Variants in VPS35L observed in about 807,000 individuals in gnomAD.
The protein encoded by VPS35L is VPS35 endosomal protein-sorting factor-like.
In VPS35L, 83 loss-of-function variants were observed where a neutral mutation model predicts 133.0. That is an observed-to-expected ratio of 0.62 (90% confidence interval 0.52 to 0.75). The LOEUF is 0.75. VPS35L is among the 30% of genes least tolerant of loss of function. The pLI, the probability that VPS35L is intolerant of heterozygous loss-of-function variation, is 0.00. For missense variants in VPS35L, 1,083 were observed against 1,206.8 expected (o/e 0.90, Z 1.52); for synonymous variants, 423 against 449.9 (o/e 0.94, Z 0.76).
chr16:19,602,695 C>T (rs1319539317), intron 9 of VPS35L, among the ~76,000 whole-genome samples: 2 of 152,094 alleles, frequency 1.3e-5, no homozygotes, highest in African/African-American at 2.4e-5. Context: ...CTTCGCCTCC[C>T]GGATTCAAGC....
At chr16:19,660,101 G>C (rs1264981897) in intron 26 of VPS35L, among the ~76,000 whole-genome samples, 1 of 152,090 alleles carries the variant, frequency 6.6e-6, no homozygotes, top group Non-Finnish European at 1.5e-5. Flanking sequence ...CGAGACGGTG[G>C]ATCACTAGAG....
chr16:19,660,561 T>C (rs1437647507), intron 26 of VPS35L, among the ~76,000 whole-genome samples: 2 of 152,258 alleles, frequency 1.3e-5, no homozygotes, highest in East Asian at 1.9e-4. Flanking sequence ...AATGCATTAT[T>C]GAAAAAAAGC....
chr16:19,613,918 G>A (rs1407627161), intron 12 of VPS35L, among the ~76,000 whole-genome samples: 2 of 152,210 alleles, frequency 1.3e-5, no homozygotes, highest in Non-Finnish European at 2.9e-5. Context: ...GGAATCATGA[G>A]CAATACCCTT....
intron 12 of VPS35L, among the ~76,000 whole-genome samples, chr16:19,611,060 C>T (rs1219236728): frequency 1.3e-5 from 2 of 152,028 alleles, no homozygotes; most frequent in Non-Finnish European, 2.9e-5. Flanking sequence ...AGTGCAGTGG[C>T]GCCATCTCGG....
In VPS35L at chr16:19,661,940, A is replaced by G. The variant is rs574427902; in HGVS notation, c.2222-7220A>G. The stretch of plus-strand genomic sequence containing the variant: ...ACATTTCTAGGACTGAACATTTTAC[A>G]GCAAACTTGTATTGCCTTTGTATGT... On this transcript the variant is annotated intron_variant, in intron 26 of 30. Transcript: ENST00000417362. Among the ~76,000 whole-genome samples, 30 of 152,306 alleles carry G rather than the reference A, an allele frequency of 2.0e-4. 1 individual carries two copies. The East Asian group carries it at 5.6e-3, about 28-fold the overall frequency.
At chr16:19,681,880 C>CT (rs5816064) in intron 27 of VPS35L, among the ~76,000 whole-genome samples, 11,710 of 151,478 alleles carry the variant, frequency 0.077, 604 homozygotes, top group Middle Eastern at 0.15. Context: ...ACAGGGCTTC[C>CT]TTTTTTTTTA....
In VPS35L at chr16:19,636,988, G is replaced by T. The variant is rs138296562; in HGVS notation, c.1636-606G>T. Among the ~76,000 whole-genome samples the T allele has an allele frequency of 5.3e-5, 8 of 152,304 alleles. No homozygotes were observed. The East Asian group carries it at 1.5e-3, about 29-fold the overall frequency. ...CCAGTGAATAATCAAGAAACACAGG[G>T]CCACACGATGATGTAGAATAGGGAT... is the stretch of plus-strand genomic sequence containing the variant. On this transcript the variant is annotated intron_variant, in intron 19 of 30. Coordinates refer to ENST00000417362, the MANE Select transcript of VPS35L (RefSeq NM_020314.7).
chr16:19,688,474 GCCGC>G (rs1975541393), intron 28 of VPS35L, among the ~76,000 whole-genome samples: 2 of 152,184 alleles, frequency 1.3e-5, no homozygotes, highest in Non-Finnish European at 2.9e-5. Context: ...TGCACTTGTG[GCCGC>G]GTGTACACAA....
chr16:19,649,714 C>T (rs1974066391), intron 24 of VPS35L, among the ~76,000 whole-genome samples: 1 of 152,168 alleles, frequency 6.6e-6, no homozygotes, highest in Admixed American at 6.5e-5. Flanking sequence ...GGAAGGGTTC[C>T]CTAAGGCTCT....
intron 12 of VPS35L, among the ~76,000 whole-genome samples, chr16:19,613,834 C>T (rs1972803123): frequency 6.6e-6 from 1 of 152,070 alleles, no homozygotes. Flanking sequence ...AGGTTTGATT[C>T]CCCAGAGACA....
rs370569405 is a variant in VPS35L, at chr16:19,569,571, G to A, written c.265G>A (p.Ala89Thr). The A allele has an allele frequency of 1.3e-5, 20 of 1,555,614 alleles. No homozygotes were observed. Among genetic ancestry groups the A allele is most frequent in the East Asian group, 4.5e-5 (2 of 44,092 alleles). ...LSMFAATADP[A>T]ALAAAMDSSR... ...CATGTTTGCAGCCACTGCTGACCCC[G>A]CAGCCTTGGCAGCTGCCATGGTAAT... The change falls in exon 3 of 31, where the codon GCA (alanine) becomes ACA (threonine). Residue 89 changes from alanine to threonine, a missense_variant. By Grantham distance (58) the Ala-to-Thr change is moderately conservative. Transcript: ENST00000417362.
intron 7 of VPS35L, among the ~76,000 whole-genome samples, chr16:19,585,558 T>C (rs1971838815): frequency 6.6e-6 from 1 of 151,632 alleles, no homozygotes; most frequent in East Asian, 2.0e-4. Context: ...GCCACAACCA[T>C]GCCCAGTTTA....
At chr16:19,672,383 G>T (rs1974906721) in intron 27 of VPS35L, among the ~76,000 whole-genome samples, 1 of 152,178 alleles carries the variant, frequency 6.6e-6, no homozygotes, top group South Asian at 2.1e-4. Context: ...TCCTTTTTGG[G>T]GTGATGATAT....
chr16:19,679,798 A>G (rs181046557), intron 27 of VPS35L, among the ~76,000 whole-genome samples: 21 of 152,272 alleles, frequency 1.4e-4, no homozygotes, highest in African/African-American at 4.3e-4. Flanking sequence ...AGCCACCGCT[A>G]TCTAGCCCAG....
At chr16:19,655,964 A>G (rs935685942) in intron 26 of VPS35L, among the ~76,000 whole-genome samples, 5 of 152,092 alleles carry the variant, frequency 3.3e-5, no homozygotes, top group African/African-American at 9.7e-5. Flanking sequence ...TAATCTAGAA[A>G]AGGTACGTGT....
chr16:19,597,594 C>T (rs1335567756), intron 8 of VPS35L, among the ~76,000 whole-genome samples: 2 of 152,178 alleles, frequency 1.3e-5, no homozygotes, highest in Non-Finnish European at 2.9e-5. Context: ...TTTACCTATT[C>T]AAAACCAAAC....
At chr16:19,586,175 C>T (rs1283561637) in intron 7 of VPS35L, among the ~76,000 whole-genome samples, 2 of 152,176 alleles carry the variant, frequency 1.3e-5, no homozygotes, top group Non-Finnish European at 2.9e-5. Context: ...GCTAGGATTA[C>T]AGGCATGAGC....
chr16:19,630,690 A>C (rs537662695), intron 18 of VPS35L, among the ~76,000 whole-genome samples: 1 of 152,192 alleles, frequency 6.6e-6, no homozygotes, highest in Admixed American at 6.5e-5. Flanking sequence ...TGCCCTCCCA[A>C]AATTCATATG....
chr16:19,669,344 T>C, intron 27 of VPS35L, 45 bp downstream of exon 27: 1 of 1,569,204 alleles, frequency 6.4e-7, no homozygotes. Flanking sequence ...TCCTTTCACC[T>C]GCCTTATAAT....
Sources: allele counts gnomAD v4.1 joint callset (sites outside exome capture counted in the v4.1 genomes callset), GRCh38; gene constraint gnomAD v4.1.1; transcripts MANE v1.5; gene names NCBI Gene and HGNC (gene_info 2026-07-23, HGNC 2026-07-21).